Variants in NLGN2 observed in about 807,000 individuals in gnomAD.
The protein encoded by NLGN2 is neuroligin-2.
In NLGN2, 11 loss-of-function variants were observed where a neutral mutation model predicts 48.6. That is an observed-to-expected ratio of 0.23 (90% CI 0.14 to 0.37). The LOEUF (loss-of-function observed/expected upper bound fraction) is 0.37, where lower values mean the gene tolerates loss of function less well. NLGN2 is among the 10% of genes least tolerant of loss of function. The probability of loss-of-function intolerance (pLI) is 1.00; values close to 1 mark genes in which losing one functional copy is unlikely to be tolerated. For missense variants in NLGN2, 801 were observed against 1,225.2 expected (o/e 0.65, Z 5.17); for synonymous variants, 548 against 550.0 (o/e 1.00, Z 0.05).
chr17:7,412,216 A>C lies in NLGN2; in HGVS notation c.508+9A>C, dbSNP rs1906928903. ...CAATCCGCCAGACACAGGTAGATTTAAAAATCCCGCTGCTGCATGTGGTTG... is the reference window on the plus strand; with the variant it reads ...CAATCCGCCAGACACAGGTAGATTTCAAAATCCCGCTGCTGCATGTGGTTG... On this transcript the variant is annotated intron_variant, in intron 2 of 6. Coordinates refer to ENST00000302926, the MANE Select transcript of NLGN2 (RefSeq NM_020795.4). 1.2e-6 allele frequency: 2 copies of C among 1,611,480 alleles called. No homozygotes were observed. Among genetic ancestry groups the C allele is most frequent in the East Asian group, 4.5e-5 (2 of 44,874 alleles).
intron 1 of NLGN2, among the ~76,000 whole-genome samples, chr17:7,409,086 C>A (rs1906777410): frequency 6.6e-6 from 1 of 152,134 alleles, no homozygotes; most frequent in Non-Finnish European, 1.5e-5. Context: ...CCCACTCCAA[C>A]CTTGCCCCGC....
At chr17:7,414,227 T>G (rs1907003891) in intron 2 of NLGN2, 117 bp from the exon 3 acceptor site, 1 of 881,854 alleles carries the variant, frequency 1.1e-6, no homozygotes, top group Admixed American at 2.0e-5. Context: ...GAGTGACATG[T>G]CCCCTGAGCT....
In NLGN2 at chr17:7,418,864, C is replaced by A; in HGVS notation, c.*1065C>A. On this transcript the variant is annotated 3_prime_UTR_variant, in exon 7 of 7. Transcript: ENST00000302926. ...CCCAGGCCTCAGAGCATTGCTCATC[C>A]GTGCCAAACTGGGTAGGTGGATTTG... 6.5e-6 allele frequency: 1 copy of A among 152,808 alleles called. No homozygotes were observed. 9.5% of individuals were successfully genotyped at this position (152,808 alleles called of 1,614,324 possible).
rs199785292 is a variant in NLGN2, at chr17:7,414,423, C to T, written c.588C>T (p.Phe196=). The T allele has an allele frequency of 4.6e-5, 74 of 1,614,112 alleles. 1 individual carries two copies. In the East Asian group the frequency reaches 7.1e-4, roughly 16 times the overall value. The change falls in exon 3 of 7, where the codon TTC becomes TTT. Residue 196 remains phenylalanine, a synonymous_variant. Coordinates refer to ENST00000302926, the MANE Select transcript of NLGN2 (RefSeq NM_020795.4). Reference sequence around the variant, plus strand: ...ACATGGAGGGGACCGGAAACATGTTCGATGGCTCAGTCCTGGCTGCCTATG... The same window carrying T: ...ACATGGAGGGGACCGGAAACATGTTTGATGGCTCAGTCCTGGCTGCCTATG... ...GSYMEGTGNM[F]DGSVLAAYGN...
chr17:7,408,336 C>CGGA lies in NLGN2; in HGVS notation c.83_84insAGG (p.Gly28dup). The CGGA allele has an allele frequency of 7.0e-7, 1 of 1,429,470 alleles. No individual in the cohort carries two copies. The highest frequency in any genetic ancestry group is 9.1e-7 in the Non-Finnish European group (1 of 1,098,128). 88.5% of individuals were successfully genotyped at this position (1,429,470 alleles called of 1,614,324 possible). A position where few individuals can be genotyped will look rare whatever the true frequency, so the allele number is the denominator to read the frequency against. On this transcript the variant is annotated inframe_insertion, in exon 1 of 7. Transcript: ENST00000302926. This position sits in a 1 kb window ranked among gnomAD's most constrained non-coding sequence, Gnocchi z 7.5. ...GGGGTCCCGGCGGCGGCGCCCCGGGCGGCCCCGGCCTGGGCCTCGGCAGCC... is the reference window on the plus strand; with the variant it reads ...GGGGTCCCGGCGGCGGCGCCCCGGGCGGAGGCCCCGGCCTGGGCCTCGGCAGCC...
Position 7,417,187 on chromosome 17 carries a change from TC to T in NLGN2, c.1902del (p.Ala635LeufsTer42), listed in dbSNP as rs2150818170. ...PPYATRWPPRPPAGAPGTRRP... is the reference protein window; with the variant it reads ...PPYATRWPPRXPAGAPGTRRP... Reference sequence around the variant, plus strand: ...CCTACGCCACGCGCTGGCCGCCTCGTCCCCCCGCTGGCGCCCCGGGCACACG... The same window carrying T: ...CCTACGCCACGCGCTGGCCGCCTCGTCCCCCGCTGGCGCCCCGGGCACACG... On this transcript the variant is annotated frameshift_variant, in exon 7 of 7. Transcript: ENST00000302926. LOFTEE classifies it low-confidence loss of function (END_TRUNC). 1 of 1,568,834 alleles carries T rather than the reference TC, an allele frequency of 6.4e-7. No homozygotes were observed. Among genetic ancestry groups the T allele is most frequent in the Non-Finnish European group, 8.6e-7 (1 of 1,160,748 alleles).
At chr17:7,414,308 A>AC in intron 2 of NLGN2, 36 bp from the exon 3 acceptor site, 5 of 1,455,446 alleles carry the variant, frequency 3.4e-6, no homozygotes, top group Non-Finnish European at 3.7e-6. Flanking sequence ...CTTGTCCCTG[A>AC]CCCCCTGGCC....
Position 7,408,781 on chromosome 17 carries a change from G to A in NLGN2, c.457+69G>A, listed in dbSNP as rs1479561109. On this transcript the variant is annotated intron_variant, in intron 1 of 6. Transcript: ENST00000302926. This position sits in a 1 kb window ranked among gnomAD's most constrained non-coding sequence, Gnocchi z 7.5. ...CACAAACGCACATGCAGACCCTCAG[G>A]CACTGGCACCGCTCTAGGGCTCAGA... is the stretch of plus-strand genomic sequence containing the variant. 1 of 1,608,620 alleles carries A rather than the reference G, an allele frequency of 6.2e-7. No individual in the cohort carries two copies. Among genetic ancestry groups the A allele is most frequent in the Non-Finnish European group, 8.5e-7 (1 of 1,178,430 alleles).
Position 7,416,994 on chromosome 17 carries a change from T to C in NLGN2, c.1703T>C (p.Val568Ala). 6.2e-7 allele frequency: 1 copy of C among 1,613,582 alleles called. No homozygotes were observed. Among genetic ancestry groups the C allele is most frequent in the Non-Finnish European group, 8.5e-7 (1 of 1,179,902 alleles). Residue 568 changes from valine to alanine, a missense_variant, in exon 7 of 7, where the codon GTG becomes GCG. This residue lies in a region of NLGN2 where 303 missense variants were observed against 600.1 expected (regional missense o/e 0.50). Coordinates refer to ENST00000302926, the MANE Select transcript of NLGN2 (RefSeq NM_020795.4). ...ACCAAGCCCAATCGCTTCGAGGAGG[T>C]GGTGTGGAGCAAATTCAACAGCAAG... ...IHTKPNRFEEVVWSKFNSKEK... is the reference protein window; with the variant it reads ...IHTKPNRFEEAVWSKFNSKEK...
chr17:7,408,214 GGGGGGGGGTCCCAGGGAGGGA>G lies in NLGN2; in HGVS notation c.-34_-14del. ...TCCCCCCCTTCTCTCTCTCTCCGAGGGGGGGGGGTCCCAGGGAGGGAGGGGGGGTCCCCCGATCAGCATGTG... is the reference window on the plus strand; with the variant it reads ...TCCCCCCCTTCTCTCTCTCTCCGAGGGGGGGGGTCCCCCGATCAGCATGTG... On this transcript the variant is annotated 5_prime_UTR_variant, in exon 1 of 7. Transcript: ENST00000302926. The surrounding 1 kb of genome is among the most constrained non-coding windows in gnomAD (Gnocchi z 7.5). The G allele has an allele frequency of 2.8e-6, 3 of 1,070,652 alleles. No homozygotes were observed. The highest frequency in any genetic ancestry group is 3.6e-6 in the Non-Finnish European group (3 of 822,278). The allele number at this position is 1,070,652 out of a possible 1,614,324, so 66.3% of individuals were successfully genotyped here. A position where few individuals can be genotyped will look rare whatever the true frequency, so the allele number is the denominator to read the frequency against.
At position 7,408,762 on chromosome 17, in the gene NLGN2, C is replaced by T. The variant is rs769311904; in HGVS notation, c.457+50C>T. The stretch of plus-strand genomic sequence containing the variant: ...GCACCCCGTGGACACAGCCCACAAA[C>T]GCACATGCAGACCCTCAGGCACTGG... On this transcript the variant is annotated intron_variant, in intron 1 of 6. Transcript: ENST00000302926. This position sits in a 1 kb window ranked among gnomAD's most constrained non-coding sequence, Gnocchi z 7.5. 6.2e-7 allele frequency: 1 copy of T among 1,610,506 alleles called. No homozygotes were observed. The highest frequency in any genetic ancestry group is 8.5e-7 in the Non-Finnish European group (1 of 1,178,762).
chr17:7,414,538 G>T (rs772439139), intron 3 of NLGN2, 45 bp downstream of exon 3: 5 of 1,611,672 alleles, frequency 3.1e-6, no homozygotes, highest in South Asian at 1.1e-5. Context: ...AGTCTGGGAG[G>T]TGGGCCTGGT....
At chr17:7,409,909 C>T (rs142384543) in intron 1 of NLGN2, among the ~76,000 whole-genome samples, 53 of 152,202 alleles carry the variant, frequency 3.5e-4, no homozygotes, top group African/African-American at 1.3e-3. Context: ...CCATGTCACC[C>T]ACACACACCT....
chr17:7,412,703 C>T (rs1291712770), intron 2 of NLGN2, among the ~76,000 whole-genome samples: 2 of 152,094 alleles, frequency 1.3e-5, no homozygotes, highest in South Asian at 2.1e-4. Context: ...AAAACGCAAA[C>T]ATTCGAAGTG....
Position 7,415,790 on chromosome 17 carries a change from C to T in NLGN2, c.1317C>T (p.Ala439=), listed in dbSNP as rs968765404. The change falls in exon 6 of 7, where the codon GCC becomes GCT. Residue 439 remains alanine (A), a synonymous_variant. Transcript: ENST00000302926. Reference sequence around the variant, plus strand: ...TCAAGTTTATGTACACAGACTGGGCCGACCGGGACAATGGCGAAATGCGCC... The same window carrying T: ...TCAAGTTTATGTACACAGACTGGGCTGACCGGGACAATGGCGAAATGCGCC... ...ETIKFMYTDW[A]DRDNGEMRRK... 7 of 1,614,062 alleles carry T rather than the reference C, an allele frequency of 4.3e-6. No homozygotes were observed. The highest frequency in any genetic ancestry group is 2.7e-5 in the African/African-American group (2 of 74,936).
chr17:7,415,176 G>A (rs767451186), intron 5 of NLGN2, 28 bp downstream of exon 5: 2 of 1,561,424 alleles, frequency 1.3e-6, no homozygotes, highest in South Asian at 2.4e-5. Context: ...GCTGGGTCCA[G>A]GCCTTCAAGG....
chr17:7,408,741 C>G lies in NLGN2; in HGVS notation c.457+29C>G, dbSNP rs1373194626. ...AGGGCGCGGGCACAAAGCCGGGCAC[C>G]CCGTGGACACAGCCCACAAACGCAC... On this transcript the variant is annotated intron_variant, in intron 1 of 6. Coordinates refer to ENST00000302926, the MANE Select transcript of NLGN2 (RefSeq NM_020795.4). The surrounding 1 kb of genome is among the most constrained non-coding windows in gnomAD (Gnocchi z 7.5). 3.1e-6 allele frequency: 5 copies of G among 1,611,688 alleles called. No homozygotes were observed. The highest frequency in any genetic ancestry group is 2.7e-5 in the African/African-American group (2 of 74,820).
chr17:7,412,052 C>CCTTTTTTCTTT, intron 1 of NLGN2, 105 bp from the exon 2 acceptor site: 1 of 501,684 alleles, frequency 2.0e-6, no homozygotes, highest in South Asian at 2.0e-5. Flanking sequence ...CCACCCTCCC[C>CCTTTTTTCTTT]TTTTCTGCTT....
In NLGN2 at chr17:7,411,066, G is replaced by A. The variant is rs568146445; in HGVS notation, c.458-1091G>A. 5.9e-5 allele frequency among the ~76,000 whole-genome samples: 9 copies of A among 152,336 alleles called. No individual in the cohort carries two copies. Among genetic ancestry groups the A allele is most frequent in the African/African-American group, 2.2e-4 (9 of 41,582 alleles). On this transcript the variant is annotated intron_variant, in intron 1 of 6. Transcript: ENST00000302926. The surrounding 1 kb of genome is among the most constrained non-coding windows in gnomAD (Gnocchi z 4.5). ...AGCCTCGGGGAACCCCCAGGCCTCT[G>A]GGCTCCAGCTCGCCCCTGACCAACC...
Sources: gnomAD v4.1 joint callset for allele counts (sites outside exome capture counted in the v4.1 genomes callset) on GRCh38, gnomAD v4.1.1 for gene constraint, gnomAD v4.1.1 regional missense constraint, Gnocchi (gnomAD v3.1) non-coding constraint, MANE v1.5 for transcripts, NCBI Gene and HGNC (gene_info 2026-07-23, HGNC 2026-07-21) for gene names.